NLRC5: variants seen among roughly 807,000 people sequenced by gnomAD.
NLRC5 encodes the protein NLR family CARD domain containing 5.
Under a neutral mutation model 206.9 loss-of-function variants are expected in NLRC5, and 114 were observed. The observed-to-expected ratio is 0.55, with a 90% CI of 0.47 to 0.64. The LOEUF is 0.64. Among genes scored for constraint, NLRC5 ranks in the 30% least tolerant of loss-of-function variants. The probability of loss-of-function intolerance (pLI) is 0.00; values close to 1 mark genes in which losing one functional copy is unlikely to be tolerated. For missense variants in NLRC5, 2,008 were observed against 2,305.5 expected, an observed-to-expected ratio of 0.87 and a Z score of 2.64; for synonymous variants, 952 against 962.8, an observed-to-expected ratio of 0.99 and a Z score of 0.21.
chr16:57,060,189 C>T (rs1360592602), intron 30 of NLRC5, among the ~76,000 whole-genome samples: 1 of 151,828 alleles, frequency 6.6e-6, no homozygotes, highest in Non-Finnish European at 1.5e-5. Context: ...CCATTCACTC[C>T]ACAGCCCCCA....
rs761428858 is a variant in NLRC5, at chr16:57,025,615, C to T, written c.672C>T (p.Thr224=). The change falls in exon 6 of 49, where the codon ACC becomes ACT. Residue 224 remains threonine, a synonymous_variant. Coordinates refer to ENST00000688547, the MANE Select transcript of NLRC5 (RefSeq NM_001384950.1). Reference sequence around the variant, plus strand: ...GGGTTAACAAGGGCCCGAGGGTGACCGTGCTTTTGGGGAAGGCTGGCATGG... The same window carrying T: ...GGGTTAACAAGGGCCCGAGGGTGACTGTGCTTTTGGGGAAGGCTGGCATGG... ...NTRVNKGPRV[T]VLLGKAGMGK... is the part of the protein sequence containing the mutation. 6 of 1,614,050 alleles carry T rather than the reference C, an allele frequency of 3.7e-6. No individual in the cohort carries two copies. Among genetic ancestry groups the T allele is most frequent in the Admixed American group, 3.3e-5 (2 of 60,000 alleles).
intron 23 of NLRC5, among the ~76,000 whole-genome samples, chr16:57,049,513 G>A (rs1328976256): frequency 2.6e-5 from 4 of 151,902 alleles, no homozygotes; most frequent in African/African-American, 9.7e-5. Context: ...CGAGGTGGCT[G>A]GATCATGAGG....
intron 6 of NLRC5, 131 bp from the exon 7 acceptor site, chr16:57,027,941 T>C (rs2143003208): frequency 3.5e-6 from 2 of 571,474 alleles, no homozygotes; most frequent in South Asian, 2.6e-5. Flanking sequence ...TGGTGGACGA[T>C]TAGAAGTCTC....
intron 30 of NLRC5, 104 bp downstream of exon 30, chr16:57,059,636 G>C: frequency 8.9e-7 from 1 of 1,118,872 alleles, no homozygotes; most frequent in Non-Finnish European, 1.2e-6. Flanking sequence ...TCCTCCTTTA[G>C]AGAGCAGCTT....
chr16:57,025,273 G>A (rs1372263215), intron 5 of NLRC5, 95 bp from the exon 6 acceptor site: 2 of 1,481,146 alleles, frequency 1.4e-6, no homozygotes, highest in Non-Finnish European at 1.8e-6. Flanking sequence ...ACACATCTGG[G>A]GCTACAGGCT....
Position 57,062,165 on chromosome 16 carries a change from C to T in NLRC5, c.4154+464C>T, listed in dbSNP as rs74023652. On this transcript the variant is annotated intron_variant, in intron 32 of 48. Coordinates refer to ENST00000688547, the MANE Select transcript of NLRC5 (RefSeq NM_001384950.1). ...ATTTTTATTTTTATTTCAGCTGAAG[C>T]GGTTTCAAGTAAGTTATAGACCTCA... 2.7e-3 allele frequency: 1,911 copies of T among 715,474 alleles called. 28 individuals carry two copies. The African/African-American group carries it at 0.032, about 12-fold the overall frequency. 44.3% of individuals were successfully genotyped at this position (715,474 alleles called of 1,614,324 possible). A position where few individuals can be genotyped will look rare whatever the true frequency, so the allele number is the denominator to read the frequency against.
intron 8 of NLRC5, 21 bp from the exon 9 acceptor site, chr16:57,029,752 T>C: frequency 6.2e-7 from 1 of 1,612,236 alleles, no homozygotes; most frequent in Non-Finnish European, 8.5e-7. Flanking sequence ...GCAAAGGGAC[T>C]GGGCCTTGGT....
chr16:57,054,870 C>G (rs142127269), intron 25 of NLRC5, 30 bp downstream of exon 25: 1 of 1,600,854 alleles, frequency 6.2e-7, no homozygotes, highest in Non-Finnish European at 8.6e-7. Context: ...AGCCAGGACT[C>G]GTCCTGAAGG....
At chr16:57,031,057 A>G (rs1249476189) in intron 10 of NLRC5, among the ~76,000 whole-genome samples, 1 of 152,046 alleles carries the variant, frequency 6.6e-6, no homozygotes, top group Non-Finnish European at 1.5e-5. Context: ...GTGTGAACAC[A>G]CCACTGCACT....
At chr16:56,991,600 T>A (rs1597031542) in intron 1 of NLRC5, among the ~76,000 whole-genome samples, 1 of 151,596 alleles carries the variant, frequency 6.6e-6, no homozygotes, top group Non-Finnish European at 1.5e-5. Flanking sequence ...CAGGCTGGTG[T>A]CAAACTCCCA....
intron 1 of NLRC5, among the ~76,000 whole-genome samples, chr16:56,992,968 A>G (rs963281349): frequency 3.9e-5 from 6 of 152,250 alleles, no homozygotes; most frequent in Non-Finnish European, 8.8e-5. Flanking sequence ...ATAATGAAAA[A>G]TAAGTCTCCT....
At chr16:57,024,615 C>T (rs974619748) in intron 5 of NLRC5, among the ~76,000 whole-genome samples, 9 of 152,202 alleles carry the variant, frequency 5.9e-5, no homozygotes, top group Non-Finnish European at 1.3e-4. Context: ...AATGCCTAGG[C>T]CTACAGGTTG....
chr16:57,040,808 A>G, intron 17 of NLRC5, 90 bp downstream of exon 17: 1 of 1,277,554 alleles, frequency 7.8e-7, no homozygotes, highest in Non-Finnish European at 1.1e-6. Context: ...CCCAGGCCCC[A>G]CATGCTCCCT....
chr16:57,058,083 G>A lies in NLRC5; in HGVS notation c.3765G>A (p.Leu1255=). The A allele has an allele frequency of 6.2e-7, 1 of 1,612,480 alleles. No individual in the cohort carries two copies. Among genetic ancestry groups the A allele is most frequent in the Non-Finnish European group, 8.5e-7 (1 of 1,179,284 alleles). The part of the protein sequence containing the change: ...LSQVDLSANL[L]GDSGLRCLLE... ...CCTACAGTCTCTCAGCAAACCTGCT[G>A]GGCGACAGCGGACTCAGATGCCTTC... Residue 1255 remains leucine, a synonymous_variant, in exon 28 of 49, where the codon CTG becomes CTA. Coordinates refer to ENST00000688547, the MANE Select transcript of NLRC5 (RefSeq NM_001384950.1).
Position 57,028,148 on chromosome 16 carries a change from A to G in NLRC5, c.2152A>G (p.Met718Val), listed in dbSNP as rs773393084. Residue 718 changes from methionine to valine, a missense_variant, in exon 7 of 49, where the codon ATG becomes GTG. Transcript: ENST00000688547. ...RSLPTMGRLQMLGLAGSKITA... is the reference protein window; with the variant it reads ...RSLPTMGRLQVLGLAGSKITA... ...CTTGCCGACAATGGGGAGGCTGCAG[A>G]TGCTGGGGTGAGCCAGGCCTTGGAG... 1.9e-6 allele frequency: 3 copies of G among 1,613,114 alleles called. No individual in the cohort carries two copies. Among genetic ancestry groups the G allele is most frequent in the Non-Finnish European group, 2.5e-6 (3 of 1,179,372 alleles).
intron 1 of NLRC5, among the ~76,000 whole-genome samples, chr16:57,007,370 G>A (rs2059028908): frequency 6.6e-6 from 1 of 152,202 alleles, no homozygotes; most frequent in Non-Finnish European, 1.5e-5. Flanking sequence ...TATCTTTTTA[G>A]TTCTAATGTA....
At chr16:57,070,059 G>A in intron 37 of NLRC5, 140 bp downstream of exon 37, 1 of 698,754 alleles carries the variant, frequency 1.4e-6, no homozygotes. Context: ...GCAGTTCTGG[G>A]TGTGGCCTGG....
At position 57,059,008 on chromosome 16, in the gene NLRC5, G is replaced by A; in HGVS notation, c.3867G>A (p.Leu1289=). The A allele has an allele frequency of 6.2e-7, 1 of 1,614,128 alleles. No individual in the cohort carries two copies. The highest frequency in any genetic ancestry group is 8.5e-7 in the Non-Finnish European group (1 of 1,180,000). ...SHNSISQESA[L]YLLETLPSCP... ...ACAGCATTTCTCAGGAAAGTGCCCT[G>A]TACCTGCTGGAGACACTGCCCTCCT... Residue 1289 remains leucine, a synonymous_variant, in exon 29 of 49, where the codon CTG becomes CTA. Coordinates refer to ENST00000688547, the MANE Select transcript of NLRC5 (RefSeq NM_001384950.1).
At chr16:57,011,003 G>C (rs1326871662) in intron 1 of NLRC5, among the ~76,000 whole-genome samples, 1 of 152,106 alleles carries the variant, frequency 6.6e-6, no homozygotes, top group East Asian at 1.9e-4. Context: ...AGCAGGCCCA[G>C]ACCCCTCCTC....
Sources: gnomAD v4.1 joint callset for allele counts (sites outside exome capture counted in the v4.1 genomes callset) on GRCh38, gnomAD v4.1.1 for gene constraint, MANE v1.5 for transcripts, NCBI Gene and HGNC (gene_info 2026-07-23, HGNC 2026-07-21) for gene names.